Variants in ADAM9 observed in about 807,000 individuals in gnomAD.
ADAM9 encodes the protein disintegrin and metalloproteinase domain-containing protein 9.
In ADAM9, 54 loss-of-function variants were observed where a neutral mutation model predicts 108.1. The ratio of observed to expected loss-of-function variants is 0.50; its 90% confidence interval spans 0.40 to 0.63. The LOEUF is 0.63. Among genes scored for constraint, ADAM9 ranks in the 20% least tolerant of loss-of-function variants. The pLI, the probability that ADAM9 is intolerant of heterozygous loss-of-function variation, is 0.00. For synonymous variants in ADAM9, 316 were observed against 336.0 expected (o/e 0.94, Z 0.65); for missense variants, 830 against 997.7 (o/e 0.83, Z 2.26).
At position 39,041,989 on chromosome 8, in the gene ADAM9, A is replaced by C; in HGVS notation, c.1174A>C (p.Lys392Gln). Residue 392 changes from lysine (K) to glutamine (Q), a missense_variant, in exon 12 of 22, where the codon AAG becomes CAG. Around this residue, in one of 3 missense-constraint regions of ADAM9, gnomAD observed 381 missense variants for 539.8 expected, o/e 0.71. Coordinates refer to ENST00000487273, the MANE Select transcript of ADAM9 (RefSeq NM_003816.3). ...FSSCSAEDFE[K>Q]LTLNKGGNCL... Reference sequence around the variant, plus strand: ...CAGTTGCAGTGCAGAGGACTTTGAGAAGTTAACTTTAAATAAAGGAGGAAA... The same window carrying C: ...CAGTTGCAGTGCAGAGGACTTTGAGCAGTTAACTTTAAATAAAGGAGGAAA... The C allele has an allele frequency of 6.2e-7, 1 of 1,614,060 alleles. No individual in the cohort carries two copies. The highest frequency in any genetic ancestry group is 8.5e-7 in the Non-Finnish European group (1 of 1,179,918).
rs1295563603 is a variant in ADAM9 at position 39,104,793 on chromosome 8, G to C, written c.*1093G>C. The C allele has an allele frequency of 2.2e-6, 1 of 453,714 alleles. No individual in the cohort carries two copies. The allele number at this position is 453,714 out of a possible 1,614,324, so 28.1% of individuals were successfully genotyped here. On this transcript the variant is annotated 3_prime_UTR_variant, in exon 22 of 22. Coordinates refer to ENST00000487273, the MANE Select transcript of ADAM9 (RefSeq NM_003816.3). Reference sequence around the variant, plus strand: ...GTGGTATCTATGAGTTATCATCTTAGCTGTGTTAAAAATGAATTTTTACTA... The same window carrying C: ...GTGGTATCTATGAGTTATCATCTTACCTGTGTTAAAAATGAATTTTTACTA...
At chr8:39,002,101 A>G (rs1455758595) in intron 1 of ADAM9, among the ~76,000 whole-genome samples, 1 of 151,742 alleles carries the variant, frequency 6.6e-6, no homozygotes, top group Non-Finnish European at 1.5e-5. Flanking sequence ...ATGGCTCGAA[A>G]TAATAGTGCT....
At chr8:39,044,900 GCA>G (rs1837572011) in intron 12 of ADAM9, among the ~76,000 whole-genome samples, 1 of 143,444 alleles carries the variant, frequency 7.0e-6, no homozygotes, top group Non-Finnish European at 1.5e-5. Context: ...ATATGTGTGT[GCA>G]CACATACATA....
chr8:39,044,480 A>G (rs1342815339), intron 12 of ADAM9, among the ~76,000 whole-genome samples: 1 of 152,156 alleles, frequency 6.6e-6, no homozygotes, highest in East Asian at 1.9e-4. Flanking sequence ...CAGGGGGTAC[A>G]TATGTATGTT....
chr8:39,023,107 T>G, intron 8 of ADAM9, 49 bp from the exon 9 acceptor site: 2 of 1,512,210 alleles, frequency 1.3e-6, no homozygotes, highest in Non-Finnish European at 1.8e-6. Context: ...AAAAGATTTT[T>G]CTCACGTTCT....
chr8:39,024,907 G>T lies in ADAM9; in HGVS notation c.915-896G>T, dbSNP rs78001876. 5.0e-3 allele frequency among the ~76,000 whole-genome samples: 762 copies of T among 152,266 alleles called. 9 individuals carry two copies. The highest frequency in any genetic ancestry group is 0.017 in the African/African-American group (698 of 41,538). On this transcript the variant is annotated intron_variant, in intron 9 of 21. Coordinates refer to ENST00000487273, the MANE Select transcript of ADAM9 (RefSeq NM_003816.3). Reference sequence around the variant, plus strand: ...GTTTAGAAAAACAGTGTTATTCACTGTTGAATTTTGAGGTGACATGGTCTA... The same window carrying T: ...GTTTAGAAAAACAGTGTTATTCACTTTTGAATTTTGAGGTGACATGGTCTA...
At position 39,023,140 on chromosome 8, in the gene ADAM9, A is replaced by C. The variant is rs2129433974; in HGVS notation, c.745-16A>C. The C allele has an allele frequency of 6.2e-7, 1 of 1,600,774 alleles. No homozygotes were observed. Among genetic ancestry groups the C allele is most frequent in the Non-Finnish European group, 8.6e-7 (1 of 1,169,354 alleles). ...TCTTTACTATATTTTATATACTTTT[A>C]TTTCTTTCTTCCCAGATGTATATTA... On this transcript the variant is annotated splice_polypyrimidine_tract_variant and intron_variant, in intron 8 of 21. Coordinates refer to ENST00000487273, the MANE Select transcript of ADAM9 (RefSeq NM_003816.3).
rs781078454 is a variant in ADAM9, at chr8:39,104,470, T to C, written c.*770T>C. The C allele has an allele frequency of 5.1e-6, 2 of 394,070 alleles. No homozygotes were observed. The highest frequency in any genetic ancestry group is 3.9e-5 in the South Asian group (2 of 51,828). The allele number at this position is 394,070 out of a possible 1,614,324, so 24.4% of individuals were successfully genotyped here. On this transcript the variant is annotated 3_prime_UTR_variant, in exon 22 of 22. Transcript: ENST00000487273. ...CAATAGCACTATTTTAAATAAATTA[T>C]AAGCTTTAAGGTACGAAGTATTTAA...
At chr8:39,091,999 G>A (rs914523813) in intron 20 of ADAM9, among the ~76,000 whole-genome samples, 2 of 152,148 alleles carry the variant, frequency 1.3e-5, no homozygotes, top group Admixed American at 6.5e-5. Flanking sequence ...CTGGTGCTGA[G>A]CTCTTGGATC....
chr8:39,000,404 T>C (rs1324337929), intron 1 of ADAM9, among the ~76,000 whole-genome samples: 1 of 152,200 alleles, frequency 6.6e-6, no homozygotes, highest in Non-Finnish European at 1.5e-5. Flanking sequence ...CATGTTGTTA[T>C]TTTAATCAGA....
intron 4 of ADAM9, chr8:39,014,297 A>C (rs988699531): frequency 1.8e-6 from 1 of 562,120 alleles, no homozygotes; most frequent in Non-Finnish European, 3.1e-6. Flanking sequence ...TTTAATGGTA[A>C]TCCTTACTGA....
intron 14 of ADAM9, among the ~76,000 whole-genome samples, chr8:39,058,246 C>A (rs980221937): frequency 6.6e-6 from 1 of 152,156 alleles, no homozygotes; most frequent in Non-Finnish European, 1.5e-5. Flanking sequence ...AATGCACACA[C>A]ACATACACAC....
At chr8:39,071,667 A>G (rs1838698565) in intron 15 of ADAM9, among the ~76,000 whole-genome samples, 1 of 152,020 alleles carries the variant, frequency 6.6e-6, no homozygotes, top group Admixed American at 6.6e-5. Flanking sequence ...GGGTTTCACC[A>G]TGTTGGCCAG....
rs370640054 is a variant in ADAM9 at position 39,017,179 on chromosome 8, C to T, written c.411-40C>T. 303 of 1,608,756 alleles carry T rather than the reference C, an allele frequency of 1.9e-4. 1 individual carries two copies. In the African/African-American group the frequency reaches 3.8e-3, roughly 20 times the overall value. On this transcript the variant is annotated intron_variant, in intron 5 of 21. Transcript: ENST00000487273. ...GGTTTTCTGATTCCTTGTGTATTTT[C>T]TTTTTCTTAAAATTTGTATACGTGT...
chr8:39,083,211 C>G (rs1444483070), intron 18 of ADAM9, 138 bp downstream of exon 18: 6 of 710,064 alleles, frequency 8.4e-6, no homozygotes, highest in Admixed American at 4.7e-5. Flanking sequence ...TTCCTTGTGA[C>G]TGTTTCCATT....
intron 11 of ADAM9, among the ~76,000 whole-genome samples, chr8:39,035,661 C>T (rs183384922): frequency 6.6e-6 from 1 of 152,124 alleles, no homozygotes; most frequent in Non-Finnish European, 1.5e-5. Context: ...GCTAAAAATA[C>T]AAAACATTAG....
At chr8:39,023,396 T>C in intron 9 of ADAM9, 71 bp downstream of exon 9, 1 of 1,445,352 alleles carries the variant, frequency 6.9e-7, no homozygotes, top group Non-Finnish European at 9.4e-7. Context: ...TTTCTTGTAT[T>C]AGAATTATAT....
At chr8:39,004,518 A>G (rs895054495) in intron 1 of ADAM9, among the ~76,000 whole-genome samples, 2 of 152,202 alleles carry the variant, frequency 1.3e-5, no homozygotes. Context: ...CCTGGCCAGC[A>G]TATGTAATCT....
chr8:39,091,369 T>G, intron 20 of ADAM9, 23 bp downstream of exon 20: 1 of 1,597,112 alleles, frequency 6.3e-7, no homozygotes, highest in Non-Finnish European at 8.6e-7. Flanking sequence ...TGAAAAATTA[T>G]TTTTCTTTAC....
Sources: gnomAD v4.1 joint callset for allele counts (sites outside exome capture counted in the v4.1 genomes callset) on GRCh38, gnomAD v4.1.1 for gene constraint, gnomAD v4.1.1 regional missense constraint, MANE v1.5 for transcripts, NCBI Gene and HGNC (gene_info 2026-07-23, HGNC 2026-07-21) for gene names.